The following TTC7B variants were observed in gnomAD, a reference collection of about 807,000 sequenced individuals.
TTC7B encodes tetratricopeptide repeat domain 7B.
Under a neutral mutation model 106.8 loss-of-function variants are expected in TTC7B, and 28 were observed. The observed-to-expected ratio is 0.26, with a 90% CI of 0.19 to 0.36. The LOEUF is 0.36. Ranked by LOEUF, TTC7B falls within the 10% of genes least tolerant of loss-of-function variation. TTC7B has a pLI of 1.00. For synonymous variants in TTC7B, 405 were observed against 430.6 expected (o/e 0.94, Z 0.74); for missense variants, 862 against 1,076.4 (o/e 0.80, Z 2.79).
intron 1 of TTC7B, among the ~76,000 whole-genome samples, chr14:90,803,753 G>A (rs991780918): frequency 3.3e-5 from 5 of 152,074 alleles, no homozygotes; most frequent in African/African-American, 1.2e-4. Flanking sequence ...GGAGAGTAAA[G>A]TGTGGGAAGA....
chr14:90,710,990 T>C (rs1165977270), intron 5 of TTC7B, among the ~76,000 whole-genome samples: 1 of 152,166 alleles, frequency 6.6e-6, no homozygotes, highest in East Asian at 1.9e-4. Flanking sequence ...AAGAATTCTA[T>C]ATCCAGTAAA....
At chr14:90,803,009 G>A (rs966137932) in intron 1 of TTC7B, among the ~76,000 whole-genome samples, 2 of 151,826 alleles carry the variant, frequency 1.3e-5, no homozygotes, top group African/African-American at 4.8e-5. Context: ...TGGATGTGGT[G>A]GCACACACCT....
At chr14:90,690,171 G>A (rs887056315) in intron 6 of TTC7B, among the ~76,000 whole-genome samples, 1 of 152,194 alleles carries the variant, frequency 6.6e-6, no homozygotes, top group Non-Finnish European at 1.5e-5. Context: ...GATGTCCACT[G>A]TAGACGTCTT....
intron 7 of TTC7B, among the ~76,000 whole-genome samples, chr14:90,682,839 G>A (rs987302089): frequency 7.9e-5 from 12 of 152,204 alleles, no homozygotes; most frequent in African/African-American, 2.9e-4. Flanking sequence ...GGGAGGGTGC[G>A]TCCTCGTCCC....
At chr14:90,781,994 G>C (rs1443367746) in intron 2 of TTC7B, among the ~76,000 whole-genome samples, 1 of 152,230 alleles carries the variant, frequency 6.6e-6, no homozygotes, top group Non-Finnish European at 1.5e-5. Context: ...GTTCAAAGCT[G>C]AGGTTTTTGC....
At chr14:90,592,807 G>A (rs561340848) in intron 18 of TTC7B, among the ~76,000 whole-genome samples, 4 of 152,228 alleles carry the variant, frequency 2.6e-5, no homozygotes, top group Non-Finnish European at 4.4e-5. Context: ...ACTGGGGAAG[G>A]GGCACTCATG....
intron 7 of TTC7B, among the ~76,000 whole-genome samples, chr14:90,681,033 A>AT (rs1278275320): frequency 1.3e-5 from 2 of 152,212 alleles, no homozygotes; most frequent in African/African-American, 4.8e-5. Flanking sequence ...GAACTATCTT[A>AT]TTTAGACACA....
chr14:90,723,081 C>T (rs1888958618), intron 5 of TTC7B, among the ~76,000 whole-genome samples: 1 of 152,220 alleles, frequency 6.6e-6, no homozygotes, highest in Admixed American at 6.5e-5. Flanking sequence ...ATCTCACAGG[C>T]ATCTTAAACC....
intron 18 of TTC7B, among the ~76,000 whole-genome samples, chr14:90,580,374 A>G (rs1891437920): frequency 6.6e-6 from 1 of 152,202 alleles, no homozygotes; most frequent in African/African-American, 2.4e-5. Flanking sequence ...AAATGAGGAA[A>G]CTGAGGTGCA....
intron 1 of TTC7B, among the ~76,000 whole-genome samples, chr14:90,804,483 C>T (rs1221085639): frequency 6.6e-6 from 1 of 152,174 alleles, no homozygotes; most frequent in African/African-American, 2.4e-5. Flanking sequence ...GAGATCTGGG[C>T]CGGGCCTGAG....
chr14:90,816,340 C>T lies in TTC7B; in HGVS notation c.-45G>A. 5.2e-6 allele frequency: 5 copies of T among 963,688 alleles called. No homozygotes were observed. Among genetic ancestry groups the T allele is most frequent in the Non-Finnish European group, 6.1e-6 (5 of 813,102 alleles). 59.7% of individuals were successfully genotyped at this position (963,688 alleles called of 1,614,324 possible). ...GCCGCCCGCCCCGCAGGCCCCACCG[C>T]CGCCGCCGCGGCGCCCCCTCGCCGC... On this transcript the variant is annotated 5_prime_UTR_variant, in exon 1 of 20. Coordinates refer to ENST00000328459, the MANE Select transcript of TTC7B (RefSeq NM_001010854.2).
intron 4 of TTC7B, 40 bp from the exon 5 acceptor site, chr14:90,730,236 T>A: frequency 6.3e-7 from 1 of 1,579,626 alleles, no homozygotes; most frequent in Non-Finnish European, 8.6e-7. Context: ...CAGATGCACA[T>A]CCAAGCCTAC....
intron 4 of TTC7B, among the ~76,000 whole-genome samples, chr14:90,732,214 C>A (rs1249185490): frequency 6.6e-6 from 1 of 151,928 alleles, no homozygotes; most frequent in Non-Finnish European, 1.5e-5. Flanking sequence ...AAAGTGTAAC[C>A]AAAGTTACAC....
At chr14:90,605,768 T>C in intron 17 of TTC7B, 1 of 1,202,440 alleles carries the variant, frequency 8.3e-7, no homozygotes, top group Non-Finnish European at 1.1e-6. Flanking sequence ...ACTAAAAAAG[T>C]GAAAGAGAAA....
intron 5 of TTC7B, among the ~76,000 whole-genome samples, chr14:90,696,979 T>C (rs1439371383): frequency 1.3e-5 from 2 of 152,190 alleles, no homozygotes; most frequent in Admixed American, 1.3e-4. Flanking sequence ...TTCTCTTAAG[T>C]AACACGGCGG....
intron 7 of TTC7B, among the ~76,000 whole-genome samples, chr14:90,684,144 C>T (rs1330471148): frequency 6.6e-6 from 1 of 152,130 alleles, no homozygotes; most frequent in African/African-American, 2.4e-5. Context: ...GGAGTTTAGA[C>T]AGTGCCTGGC....
chr14:90,798,334 A>C (rs2140053208), intron 1 of TTC7B, among the ~76,000 whole-genome samples: 1 of 152,320 alleles, frequency 6.6e-6, no homozygotes, highest in Non-Finnish European at 1.5e-5. Flanking sequence ...TGATTGCTTT[A>C]AGGCACTAAG....
At chr14:90,766,782 G>C (rs912947836) in intron 3 of TTC7B, 3 of 1,577,462 alleles carry the variant, frequency 1.9e-6, no homozygotes, top group African/African-American at 2.7e-5. Context: ...ACTGGTTCTT[G>C]AACACACAGA....
In TTC7B at chr14:90,816,195, G is replaced by A. The variant is rs1399745766; in HGVS notation, c.101C>T (p.Ser34Leu). 2 of 1,266,820 alleles carry A rather than the reference G, an allele frequency of 1.6e-6. No individual in the cohort carries two copies. The highest frequency in any genetic ancestry group is 2.1e-6 in the Non-Finnish European group (2 of 973,764). The allele number at this position is 1,266,820 out of a possible 1,614,324, so 78.5% of individuals were successfully genotyped here. Reference protein sequence around the residue: ...ERIPELVKQLSAKLIANDDMA... With the variant: ...ERIPELVKQLLAKLIANDDMA... Reference sequence around the variant, plus strand: ...CGTACCGTTGGCGATGAGCTTGGCCGACAGCTGCTTGACGAGCTCAGGGAT... The same window carrying A: ...CGTACCGTTGGCGATGAGCTTGGCCAACAGCTGCTTGACGAGCTCAGGGAT... Residue 34 changes from serine to leucine, a missense_variant, in exon 1 of 20, where the codon TCG becomes TTG. By Grantham distance (145) the Ser-to-Leu change is moderately radical (BLOSUM62 -2). Coordinates refer to ENST00000328459, the MANE Select transcript of TTC7B (RefSeq NM_001010854.2).
Sources: allele counts gnomAD v4.1 joint callset (sites outside exome capture counted in the v4.1 genomes callset), GRCh38; gene constraint gnomAD v4.1.1; transcripts MANE v1.5; gene names NCBI Gene and HGNC (gene_info 2026-07-23, HGNC 2026-07-21).